Variants in SPAG16 observed in about 807,000 individuals in gnomAD.
The protein encoded by SPAG16 is sperm associated antigen 16, also known as sperm-associated antigen 16 protein.
In SPAG16, 86 loss-of-function variants were observed where a neutral mutation model predicts 80.4. The ratio of observed to expected loss-of-function variants is 1.07; its 90% confidence interval spans 0.90 to 1.28. The LOEUF is 1.28. Among genes scored for constraint, SPAG16 ranks in the 50% most tolerant of loss-of-function variants. SPAG16 has a pLI of 0.00. For synonymous variants in SPAG16, 294 were observed against 265.9 expected (o/e 1.11, Z -1.03); for missense variants, 870 against 765.3 (o/e 1.14, Z -1.61).
intron 12 of SPAG16, among the ~76,000 whole-genome samples, chr2:213,938,728 A>G (rs1001157790): frequency 3.3e-5 from 5 of 152,066 alleles, no homozygotes; most frequent in Non-Finnish European, 7.4e-5. Context: ...TCAAATCAAA[A>G]TAAAAGAAGT....
chr2:214,120,056 T>G (rs1405650742), intron 14 of SPAG16, among the ~76,000 whole-genome samples: 1 of 151,978 alleles, frequency 6.6e-6, no homozygotes, highest in African/African-American at 2.4e-5. Context: ...CTTCTCAATA[T>G]GAGCACTTTT....
At chr2:214,371,259 G>A (rs530772109) in intron 15 of SPAG16, among the ~76,000 whole-genome samples, 42 of 152,214 alleles carry the variant, frequency 2.8e-4, no homozygotes, top group Non-Finnish European at 5.4e-4. Context: ...TTGGCCGGGC[G>A]CAGTGGTTCA....
At chr2:213,429,437 A>G (rs942847400) in intron 9 of SPAG16, among the ~76,000 whole-genome samples, 2 of 152,182 alleles carry the variant, frequency 1.3e-5, no homozygotes, top group Non-Finnish European at 2.9e-5. Context: ...GCCTGGGACA[A>G]TGGATTACTT....
chr2:214,367,027 C>T (rs1699522043), intron 15 of SPAG16, among the ~76,000 whole-genome samples: 1 of 152,096 alleles, frequency 6.6e-6, no homozygotes, highest in Non-Finnish European at 1.5e-5. Flanking sequence ...CTCTCTCCAA[C>T]TGCACCTCTT....
chr2:213,358,829 A>G (rs1476293149), intron 7 of SPAG16, among the ~76,000 whole-genome samples: 1 of 152,060 alleles, frequency 6.6e-6, no homozygotes, highest in African/African-American at 2.4e-5. Context: ...CCTTTGGAGG[A>G]GAAGAGGCAC....
At chr2:214,105,879 CTT>C (rs1189682425) in intron 13 of SPAG16, among the ~76,000 whole-genome samples, 1 of 152,080 alleles carries the variant, frequency 6.6e-6, no homozygotes, top group Non-Finnish European at 1.5e-5. Flanking sequence ...GCTTTTTAAA[CTT>C]ATTTTAATTC....
chr2:213,706,789 G>T (rs1315314182), intron 10 of SPAG16, among the ~76,000 whole-genome samples: 1 of 152,184 alleles, frequency 6.6e-6, no homozygotes, highest in Non-Finnish European at 1.5e-5. Context: ...TAGCTTGGGG[G>T]TTATGGCTTG....
At chr2:213,782,180 G>GTT (rs11310181) in intron 10 of SPAG16, among the ~76,000 whole-genome samples, 1 of 145,978 alleles carries the variant, frequency 6.9e-6, no homozygotes, top group African/African-American at 2.5e-5. Context: ...ATAGTCTTCA[G>GTT]TTTTTTTTTT....
At chr2:213,369,320 A>G (rs1211520304) in intron 8 of SPAG16, among the ~76,000 whole-genome samples, 1 of 152,222 alleles carries the variant, frequency 6.6e-6, no homozygotes, top group African/African-American at 2.4e-5. Flanking sequence ...AAAATGAGAA[A>G]TATGTTTTCC....
chr2:213,808,388 C>G (rs938313022), intron 10 of SPAG16, among the ~76,000 whole-genome samples: 1 of 152,018 alleles, frequency 6.6e-6, no homozygotes, highest in Admixed American at 6.6e-5. Flanking sequence ...GAAAACACAC[C>G]TTAAAGAGGA....
At chr2:213,462,782 A>G (rs2072453360) in intron 9 of SPAG16, among the ~76,000 whole-genome samples, 1 of 152,192 alleles carries the variant, frequency 6.6e-6, no homozygotes, top group Non-Finnish European at 1.5e-5. Context: ...TCTTTCCTTT[A>G]TAAATAACCC....
intron 11 of SPAG16, among the ~76,000 whole-genome samples, chr2:213,886,381 A>G (rs1270953264): frequency 6.6e-6 from 1 of 152,060 alleles, no homozygotes; most frequent in African/African-American, 2.4e-5. Flanking sequence ...GGCGGGTAGA[A>G]TGAGCAGCTA....
In SPAG16 at chr2:213,310,079, T is replaced by G. The variant is rs1357982209; in HGVS notation, c.300T>G (p.Pro100=). 6.2e-7 allele frequency: 1 copy of G among 1,607,968 alleles called. No homozygotes were observed. Among genetic ancestry groups the G allele is most frequent in the South Asian group, 1.1e-5 (1 of 89,814 alleles). ...TTCAGGAACGGAAAACAGTTCTTCC[T>G]TCAAAGCATGCAGTACCTGAAGTAA... ...TEILERKTVL[P]SKHAVPEVIE... is the part of the protein sequence containing the mutation. The change falls in exon 4 of 16, where the codon CCT becomes CCG. Residue 100 remains proline (P), a synonymous_variant. Transcript: ENST00000331683.
chr2:214,246,305 G>A (rs750154580), intron 15 of SPAG16, among the ~76,000 whole-genome samples: 1 of 152,124 alleles, frequency 6.6e-6, no homozygotes, highest in Non-Finnish European at 1.5e-5. Flanking sequence ...GTTGGCAGTA[G>A]CAATATTTCT....
intron 15 of SPAG16, among the ~76,000 whole-genome samples, chr2:214,257,089 G>A (rs1690745127): frequency 6.6e-6 from 1 of 151,742 alleles, no homozygotes; most frequent in South Asian, 2.1e-4. Context: ...AGCAATTTTT[G>A]TAGTTTTCAG....
intron 15 of SPAG16, among the ~76,000 whole-genome samples, chr2:214,279,247 C>T (rs1034985624): frequency 6.6e-5 from 10 of 152,100 alleles, no homozygotes. Context: ...CAGGCATGCA[C>T]CACAATGCCC....
At chr2:213,801,333 T>C (rs988786592) in intron 10 of SPAG16, among the ~76,000 whole-genome samples, 4 of 152,236 alleles carry the variant, frequency 2.6e-5, no homozygotes, top group African/African-American at 9.6e-5. Flanking sequence ...AATGTATTCC[T>C]TGGCAATACA....
chr2:214,140,098 C>T (rs1039466322), intron 14 of SPAG16, among the ~76,000 whole-genome samples: 1 of 152,186 alleles, frequency 6.6e-6, no homozygotes, highest in African/African-American at 2.4e-5. Flanking sequence ...TCGCCTCAGG[C>T]ACACTTTTAC....
chr2:213,818,279 A>G (rs1386837230), intron 10 of SPAG16, among the ~76,000 whole-genome samples: 1 of 152,192 alleles, frequency 6.6e-6, no homozygotes, highest in African/African-American at 2.4e-5. Context: ...ATCTCATAAT[A>G]TGACAACCAT....
Sources: allele counts gnomAD v4.1 joint callset (sites outside exome capture counted in the v4.1 genomes callset), GRCh38; gene constraint gnomAD v4.1.1; transcripts MANE v1.5; gene names NCBI Gene and HGNC (gene_info 2026-07-23, HGNC 2026-07-21).